SLC16A7: variants seen among roughly 807,000 people sequenced by gnomAD.
SLC16A7 encodes the protein monocarboxylate transporter 2.
A neutral mutation model predicts 34.9 loss-of-function variants in SLC16A7; 33 were observed. The ratio of observed to expected loss-of-function variants is 0.94; its 90% CI spans 0.72 to 1.26. The LOEUF is 1.26. SLC16A7 is among the 50% of genes most tolerant of loss of function. The pLI is 0.00. For missense variants in SLC16A7, 573 were observed against 578.1 expected, an observed-to-expected ratio of 0.99 and a Z score of 0.09; for synonymous variants, 201 against 206.6, an observed-to-expected ratio of 0.97 and a Z score of 0.23.
rs771236413 is a variant in SLC16A7 at position 59,649,996 on chromosome 12, A to G, written c.-129-5156A>G. 1.9e-4 allele frequency among the ~76,000 whole-genome samples: 29 copies of G among 152,164 alleles called. 1 individual carries two copies. Among genetic ancestry groups the G allele is most frequent in the Admixed American group, 2.0e-4 (3 of 15,256 alleles). ...TTCTAAAAATATTAGTAAAAATTTT[A>G]TAGATATTTGTCTAATATTTCACTT... On this transcript the variant is annotated intron_variant, in intron 1 of 5. Transcript: ENST00000547379.
At position 59,779,903 on chromosome 12, in the gene SLC16A7, G is replaced by T; in HGVS notation, c.*224G>T. 7.2e-6 allele frequency: 3 copies of T among 417,530 alleles called. No individual in the cohort carries two copies. The highest frequency in any genetic ancestry group is 3.1e-5 in the South Asian group (1 of 31,796). The allele number at this position is 417,530 out of a possible 1,614,324, so 25.9% of individuals were successfully genotyped here. ...ATGCATAGAAAGAATCCATGCTATAGGTTTATTTCCATACCTGACTCTGGG... is the reference window on the plus strand; with the variant it reads ...ATGCATAGAAAGAATCCATGCTATATGTTTATTTCCATACCTGACTCTGGG... On this transcript the variant is annotated 3_prime_UTR_variant, in exon 6 of 6. Transcript: ENST00000547379.
Position 59,687,712 on chromosome 12 carries a change from C to T in SLC16A7, c.-30-17060C>T, listed in dbSNP as rs541578017. Among the ~76,000 whole-genome samples, 11 of 152,188 alleles carry T rather than the reference C, an allele frequency of 7.2e-5. No homozygotes were observed. In the East Asian group the frequency reaches 1.9e-3, roughly 27 times the overall value. ...GTTGGTTCTGAGGGGCTCAGCTAAC[C>T]GTCAAACATTTTCTTATTTTCTGGG... On this transcript the variant is annotated intron_variant, in intron 2 of 5. Coordinates refer to ENST00000547379, the MANE Select transcript of SLC16A7 (RefSeq NM_001270623.2).
chr12:59,775,357 T>C lies in SLC16A7; in HGVS notation c.1062T>C (p.Val354=). Residue 354 remains valine, a synonymous_variant, in exon 5 of 6, where the codon GTT becomes GTC. Coordinates refer to ENST00000547379, the MANE Select transcript of SLC16A7 (RefSeq NM_001270623.2). Reference sequence around the variant, plus strand: ...TTTTTGGCCTTGGATTTGGGAGTGTTAGCAGTGTTCTCTTTGAAACTCTCA... The same window carrying C: ...TTTTTGGCCTTGGATTTGGGAGTGTCAGCAGTGTTCTCTTTGAAACTCTCA... The part of the protein sequence containing the change: ...AVFFGLGFGS[V]SSVLFETLMD... 1 of 1,614,148 alleles carries C rather than the reference T, an allele frequency of 6.2e-7. No homozygotes were observed. Among genetic ancestry groups the C allele is most frequent in the East Asian group, 2.2e-5 (1 of 44,882 alleles).
At chr12:59,627,652 A>G (rs1369128970) in intron 1 of SLC16A7, among the ~76,000 whole-genome samples, 1 of 151,710 alleles carries the variant, frequency 6.6e-6, no homozygotes, top group Non-Finnish European at 1.5e-5. Context: ...ACATTTGACT[A>G]TCTATCTTTC....
intron 1 of SLC16A7, among the ~76,000 whole-genome samples, chr12:59,599,478 C>T (rs1015531242): frequency 6.6e-6 from 1 of 152,058 alleles, no homozygotes; most frequent in African/African-American, 2.4e-5. Context: ...GTGACCTACT[C>T]AAGGTGGACC....
intron 3 of SLC16A7, among the ~76,000 whole-genome samples, chr12:59,745,262 G>T (rs1020672878): frequency 2.0e-5 from 3 of 152,122 alleles, no homozygotes; most frequent in Middle Eastern, 3.2e-3. Flanking sequence ...GTCTATTCTC[G>T]CATTTTATTC....
intron 4 of SLC16A7, among the ~76,000 whole-genome samples, chr12:59,772,909 G>T (rs1433321818): frequency 1.3e-5 from 2 of 151,996 alleles, no homozygotes; most frequent in Non-Finnish European, 2.9e-5. Flanking sequence ...AGCTCAGGAA[G>T]TCTAAGTGTT....
At chr12:59,734,823 A>G (rs1365363122) in intron 3 of SLC16A7, among the ~76,000 whole-genome samples, 1 of 152,262 alleles carries the variant, frequency 6.6e-6, no homozygotes, top group Non-Finnish European at 1.5e-5. Context: ...TCAAAAAAAT[A>G]TAAATAACAC....
intron 3 of SLC16A7, among the ~76,000 whole-genome samples, chr12:59,709,281 T>C (rs1488770023): frequency 6.6e-6 from 1 of 151,526 alleles, no homozygotes; most frequent in Non-Finnish European, 1.5e-5. Context: ...GTCTCCATGG[T>C]AACTTATTTT....
chr12:59,691,356 C>CA (rs1204189524), intron 2 of SLC16A7, among the ~76,000 whole-genome samples: 3 of 151,478 alleles, frequency 2.0e-5, no homozygotes, highest in African/African-American at 7.3e-5. Flanking sequence ...GAGTTGTTTA[C>CA]AAAAAAAATT....
rs764839033 is a variant in SLC16A7 at position 59,779,984 on chromosome 12, T to C, written c.*305T>C. The stretch of plus-strand genomic sequence containing the variant: ...TTCCAGTGACTTTCGGTCTTGGTTA[T>C]ATGGAGAATTCTGAATCCCAAACCC... On this transcript the variant is annotated 3_prime_UTR_variant, in exon 6 of 6. Transcript: ENST00000547379. 1.7e-4 allele frequency: 39 copies of C among 226,644 alleles called. No homozygotes were observed. Among genetic ancestry groups the C allele is most frequent in the Non-Finnish European group, 3.2e-4 (37 of 114,162 alleles). The allele number at this position is 226,644 out of a possible 1,614,324, so 14.0% of individuals were successfully genotyped here.
At chr12:59,646,287 C>T (rs376572588) in intron 1 of SLC16A7, among the ~76,000 whole-genome samples, 1 of 152,112 alleles carries the variant, frequency 6.6e-6, no homozygotes, top group South Asian at 2.1e-4. Flanking sequence ...GGGCCCAGGG[C>T]CCCCCTGCTG....
rs567718217 is a variant in SLC16A7, at chr12:59,673,165, A to G, written c.-31+17915A>G. 3.1e-4 allele frequency among the ~76,000 whole-genome samples: 47 copies of G among 152,300 alleles called. 3 individuals are homozygous for G. In the South Asian group the frequency reaches 8.3e-3, roughly 27 times the overall value. ...TTGAGCAGTATATTAAGCATGTCAG[A>G]ACGATTTTGCTACATAATATTTCCA... On this transcript the variant is annotated intron_variant, in intron 2 of 5. Transcript: ENST00000547379.
chr12:59,656,179 C>T (rs766700630), intron 2 of SLC16A7, among the ~76,000 whole-genome samples: 1 of 151,926 alleles, frequency 6.6e-6, no homozygotes, highest in Non-Finnish European at 1.5e-5. Context: ...TCTTCTACCT[C>T]AAGTTCATGA....
At chr12:59,613,305 C>T (rs1410624734) in intron 1 of SLC16A7, among the ~76,000 whole-genome samples, 1 of 152,170 alleles carries the variant, frequency 6.6e-6, no homozygotes, top group African/African-American at 2.4e-5. Flanking sequence ...ATGAGGGAAA[C>T]CACCCCATGG....
chr12:59,645,746 G>A (rs1167594273), intron 1 of SLC16A7, among the ~76,000 whole-genome samples: 1 of 152,144 alleles, frequency 6.6e-6, no homozygotes, highest in Non-Finnish European at 1.5e-5. Flanking sequence ...GGTTGGAACA[G>A]TTTGGTGGGC....
chr12:59,626,227 T>C (rs191422906), intron 1 of SLC16A7, among the ~76,000 whole-genome samples: 5 of 147,042 alleles, frequency 3.4e-5, no homozygotes, highest in Middle Eastern at 3.5e-3. Flanking sequence ...GTCCTCCTTT[T>C]AAGTCCCTGA....
intron 2 of SLC16A7, among the ~76,000 whole-genome samples, chr12:59,670,545 AT>A (rs1346164007): frequency 6.6e-6 from 1 of 152,154 alleles, no homozygotes; most frequent in African/African-American, 2.4e-5. Flanking sequence ...TATGGGTGAG[AT>A]TTGGGGTACA....
At chr12:59,742,091 A>G (rs1321589778) in intron 3 of SLC16A7, among the ~76,000 whole-genome samples, 1 of 152,132 alleles carries the variant, frequency 6.6e-6, no homozygotes, top group Non-Finnish European at 1.5e-5. Context: ...TTCTTCCCTT[A>G]GGGTGGGCTG....
Sources: allele counts gnomAD v4.1 joint callset (sites outside exome capture counted in the v4.1 genomes callset), GRCh38; gene constraint gnomAD v4.1.1; transcripts MANE v1.5; gene names NCBI Gene and HGNC (gene_info 2026-07-23, HGNC 2026-07-21).